Variants in THSD7B observed in about 807,000 individuals in gnomAD.
THSD7B encodes the protein thrombospondin type-1 domain-containing protein 7B.
Under a neutral mutation model 213.6 loss-of-function variants are expected in THSD7B, and 138 were observed. That is an observed-to-expected ratio of 0.65 (90% confidence interval 0.56 to 0.74). The LOEUF (loss-of-function observed/expected upper bound fraction) is 0.74. THSD7B is among the 30% of genes least tolerant of loss of function. THSD7B has a pLI of 0.00. For missense variants in THSD7B, 1,931 were observed against 1,991.5 expected (o/e 0.97, Z 0.58); for synonymous variants, 742 against 687.0 (o/e 1.08, Z -1.25).
At chr2:137,447,909 G>T (rs1336919843) in intron 14 of THSD7B, among the ~76,000 whole-genome samples, 1 of 152,082 alleles carries the variant, frequency 6.6e-6, no homozygotes, top group African/African-American at 2.4e-5. Flanking sequence ...GCAGAAAATG[G>T]ACACTTTTTT....
At chr2:137,127,180 G>A (rs1222531267) in intron 5 of THSD7B, among the ~76,000 whole-genome samples, 1 of 152,134 alleles carries the variant, frequency 6.6e-6, no homozygotes, top group East Asian at 1.9e-4. Flanking sequence ...TGGACACAGG[G>A]TTGCCACAGA....
chr2:137,419,865 G>C (rs1169595260), intron 14 of THSD7B, among the ~76,000 whole-genome samples: 4 of 151,954 alleles, frequency 2.6e-5, no homozygotes, highest in African/African-American at 9.7e-5. Flanking sequence ...ATCCACTGAT[G>C]AACACTTAGA....
At chr2:137,575,830 T>A (rs1270737096) in intron 17 of THSD7B, among the ~76,000 whole-genome samples, 3 of 151,816 alleles carry the variant, frequency 2.0e-5, no homozygotes. Context: ...TTCCTAATAG[T>A]GTTTACTCTT....
intron 17 of THSD7B, among the ~76,000 whole-genome samples, chr2:137,602,658 A>G (rs1361606843): frequency 1.3e-5 from 2 of 152,164 alleles, no homozygotes; most frequent in African/African-American, 4.8e-5. Context: ...CCAAGGTGGA[A>G]GGGCAAAAAA....
chr2:137,233,790 G>A (rs1681698070), intron 9 of THSD7B, among the ~76,000 whole-genome samples: 1 of 152,198 alleles, frequency 6.6e-6, no homozygotes, highest in Admixed American at 6.5e-5. Flanking sequence ...TTTATCACTA[G>A]ACCAAATGAG....
At chr2:137,625,440 G>A (rs1214209534) in intron 20 of THSD7B, among the ~76,000 whole-genome samples, 6 of 150,792 alleles carry the variant, frequency 4.0e-5, no homozygotes, top group South Asian at 2.1e-4. Flanking sequence ...AAACCTGCAC[G>A]TTGTGCACAT....
At chr2:136,792,533 G>A (rs771973468) in intron 1 of THSD7B, among the ~76,000 whole-genome samples, 30 of 152,100 alleles carry the variant, frequency 2.0e-4, no homozygotes, top group Middle Eastern at 3.4e-3. Flanking sequence ...TGATGGTCTC[G>A]TGCCAATGCA....
At chr2:137,272,018 TGGTTATAA>T (rs778482651) in intron 10 of THSD7B, among the ~76,000 whole-genome samples, 22 of 152,150 alleles carry the variant, frequency 1.4e-4, no homozygotes, top group Non-Finnish European at 2.6e-4. Context: ...TATATATATA[TGGTTATAA>T]GGTTATGAGG....
intron 1 of THSD7B, among the ~76,000 whole-genome samples, chr2:136,773,938 A>C (rs1573632061): frequency 6.6e-6 from 1 of 151,932 alleles, no homozygotes; most frequent in South Asian, 2.1e-4. Context: ...CAAGAGCACA[A>C]ATTAAAAACC....
In THSD7B at chr2:137,479,824, C is replaced by A. The variant is rs148131003; in HGVS notation, c.3138+28801C>A. ...GTTAAGGCCTCAAACTGGTGCTATG[C>A]TGTAGCTGTAGCTGCTTGGGACTCA... On this transcript the variant is annotated intron_variant, in intron 15 of 27. Transcript: ENST00000409968. Among the ~76,000 whole-genome samples, 724 of 152,268 alleles carry A rather than the reference C, an allele frequency of 4.8e-3. 4 individuals are homozygous for A. Among genetic ancestry groups the A allele is most frequent in the African/African-American group, 0.017 (689 of 41,554 alleles).
chr2:137,023,827 A>G (rs1686492369), intron 2 of THSD7B, among the ~76,000 whole-genome samples: 1 of 152,206 alleles, frequency 6.6e-6, no homozygotes, highest in African/African-American at 2.4e-5. Context: ...CCCTGTGGGT[A>G]TGAGCCACCT....
intron 3 of THSD7B, among the ~76,000 whole-genome samples, chr2:137,093,270 C>T (rs563492755): frequency 1.3e-5 from 2 of 150,180 alleles, no homozygotes; most frequent in Admixed American, 6.6e-5. Context: ...ATCTACGTTC[C>T]TCCTCGCACT....
chr2:137,306,197 T>G (rs1683737259), intron 12 of THSD7B, among the ~76,000 whole-genome samples: 1 of 152,146 alleles, frequency 6.6e-6, no homozygotes, highest in Admixed American at 6.5e-5. Context: ...TAATACATTG[T>G]GCTGTGATGT....
intron 1 of THSD7B, among the ~76,000 whole-genome samples, chr2:136,863,752 T>TTCTA (rs3084743): frequency 0.79 from 120,578 of 151,974 alleles, 48,127 homozygotes; most frequent in Middle Eastern, 0.94. Flanking sequence ...GAGTAGATAT[T>TTCTA]TCTGTGTTTG....
intron 15 of THSD7B, among the ~76,000 whole-genome samples, chr2:137,523,157 T>C (rs934695527): frequency 1.0e-4 from 13 of 123,934 alleles, no homozygotes; most frequent in African/African-American, 4.3e-4. Flanking sequence ...ATCAGTGTTC[T>C]GATTATAGGT....
At chr2:136,877,737 T>A (rs1188273921) in intron 1 of THSD7B, among the ~76,000 whole-genome samples, 1 of 152,108 alleles carries the variant, frequency 6.6e-6, no homozygotes, top group Non-Finnish European at 1.5e-5. Context: ...AAGTAATGTG[T>A]TCAGCACATG....
chr2:136,855,141 A>G (rs894862287), intron 1 of THSD7B, among the ~76,000 whole-genome samples: 5 of 152,126 alleles, frequency 3.3e-5, no homozygotes, highest in Non-Finnish European at 7.4e-5. Flanking sequence ...TTATAGAGAT[A>G]TATCTCTTTG....
At position 137,472,119 on chromosome 2, in the gene THSD7B, G is replaced by A. The variant is rs375467668; in HGVS notation, c.3138+21096G>A. 3.3e-4 allele frequency among the ~76,000 whole-genome samples: 51 copies of A among 152,298 alleles called. No individual in the cohort carries two copies. The East Asian group carries it at 6.0e-3, about 18-fold the overall frequency. On this transcript the variant is annotated intron_variant, in intron 15 of 27. Transcript: ENST00000409968. ...TCATCTTCCTCCTGTTCATATTGCA[G>A]TGCTGTGTTTATGTTACATGGTAGC...
At chr2:137,225,401 A>G (rs12997828) in intron 7 of THSD7B, among the ~76,000 whole-genome samples, 6,902 of 152,220 alleles carry the variant, frequency 0.045, 198 homozygotes, top group Admixed American at 0.069. Flanking sequence ...AGAGTCCCTT[A>G]TTTATGGTTT....
Sources: gnomAD v4.1 joint callset for allele counts (sites outside exome capture counted in the v4.1 genomes callset) on GRCh38, gnomAD v4.1.1 for gene constraint, MANE v1.5 for transcripts, NCBI Gene and HGNC (gene_info 2026-07-23, HGNC 2026-07-21) for gene names.